HDGFL3: variants seen among roughly 807,000 people sequenced by gnomAD.
The protein encoded by HDGFL3 is hepatoma-derived growth factor-related protein 3.
Under a neutral mutation model 27.6 loss-of-function variants are expected in HDGFL3, and 6 were observed. That is an observed-to-expected ratio of 0.22 (90% CI 0.12 to 0.43). The LOEUF is 0.43. Ranked by LOEUF, HDGFL3 falls within the 20% of genes least tolerant of loss-of-function variation. The probability of loss-of-function intolerance (pLI) is 1.00; values close to 1 mark genes in which losing one functional copy is unlikely to be tolerated. For missense variants in HDGFL3, 207 were observed against 250.1 expected, an observed-to-expected ratio of 0.83 and a Z score of 1.16; for synonymous variants, 88 against 88.9, an observed-to-expected ratio of 0.99 and a Z score of 0.05.
At chr15:83,145,032 G>A (rs2036862729) in intron 5 of HDGFL3, among the ~76,000 whole-genome samples, 1 of 151,538 alleles carries the variant, frequency 6.6e-6, no homozygotes, top group Non-Finnish European at 1.5e-5. Flanking sequence ...GCTAGTGGCA[G>A]AAGGGAGGAA....
At chr15:83,189,830 A>G (rs1249439763) in intron 1 of HDGFL3, among the ~76,000 whole-genome samples, 1 of 152,208 alleles carries the variant, frequency 6.6e-6, no homozygotes, top group Non-Finnish European at 1.5e-5. Flanking sequence ...CTGATTAACT[A>G]CATTGAAAGC....
chr15:83,124,997 G>A (rs1377243448), downstream of HDGFL3, among the ~76,000 whole-genome samples: 1 of 152,120 alleles, frequency 6.6e-6, no homozygotes, highest in South Asian at 2.1e-4. Context: ...GCTCTACTCA[G>A]AAGCATCTTC....
rs866419524 is a variant in HDGFL3, at chr15:83,136,367, G to A, written c.*2903C>T. ...GTTTGAAGGTATTTTGCCTGCAGGTGAGACTGGTTTTGAGGGCACAGAAAC... is the reference window on the plus strand; with the variant it reads ...GTTTGAAGGTATTTTGCCTGCAGGTAAGACTGGTTTTGAGGGCACAGAAAC... On this transcript the variant is annotated 3_prime_UTR_variant, in exon 6 of 6. Coordinates refer to ENST00000299633, the MANE Select transcript of HDGFL3 (RefSeq NM_016073.4). The A allele has an allele frequency of 2.7e-5, 21 of 782,040 alleles. No individual in the cohort carries two copies. In the Admixed American group the frequency reaches 4.0e-4, roughly 15 times the overall value. The allele number at this position is 782,040 out of a possible 1,614,324, so 48.4% of individuals were successfully genotyped here. A position where few individuals can be genotyped will look rare whatever the true frequency, so the allele number is the denominator to read the frequency against.
At chr15:83,163,867 T>C (rs2037130259) in intron 2 of HDGFL3, 132 bp downstream of exon 2, 1 of 638,708 alleles carries the variant, frequency 1.6e-6, no homozygotes, top group African/African-American at 1.9e-5. Context: ...CAAAAATACA[T>C]TATTAACTTT....
Position 83,136,633 on chromosome 15 carries a change from G to C in HDGFL3, c.*2637C>G. 6.2e-7 allele frequency: 1 copy of C among 1,605,426 alleles called. No individual in the cohort carries two copies. Among genetic ancestry groups the C allele is most frequent in the Non-Finnish European group, 8.5e-7 (1 of 1,177,770 alleles). ...CCTATCGTTGTATCTACAAACCAGA[G>C]TTCTTCATAAAAACAAAGGCAGAAG... On this transcript the variant is annotated 3_prime_UTR_variant, in exon 6 of 6. Coordinates refer to ENST00000299633, the MANE Select transcript of HDGFL3 (RefSeq NM_016073.4).
Position 83,175,608 on chromosome 15 carries a change from C to T in HDGFL3, c.85-11533G>A, listed in dbSNP as rs557917794. ...GGCGCGGTGGCTCATGCCTGTAATC[C>T]CAGCGCTTTGGAAGGCCGAGGTGGG... On this transcript the variant is annotated intron_variant, in intron 1 of 5. Coordinates refer to ENST00000299633, the MANE Select transcript of HDGFL3 (RefSeq NM_016073.4). 2.0e-5 allele frequency among the ~76,000 whole-genome samples: 3 copies of T among 152,254 alleles called. No homozygotes were observed. In the South Asian group the frequency reaches 6.2e-4, roughly 32 times the overall value.
At chr15:83,193,086 C>T (rs1450953319) in intron 1 of HDGFL3, among the ~76,000 whole-genome samples, 8 of 139,066 alleles carry the variant, frequency 5.8e-5, no homozygotes, top group Non-Finnish European at 1.0e-4. Context: ...CTTCCAGAGT[C>T]CCGTTCTCTG....
downstream of HDGFL3, chr15:83,126,912 G>C: frequency 7.5e-7 from 1 of 1,333,728 alleles, no homozygotes; most frequent in Non-Finnish European, 1.1e-6. Context: ...ATGGGTCCCA[G>C]CTGGGTGCGG....
chr15:83,169,192 C>G, intron 1 of HDGFL3: 1 of 440,630 alleles, frequency 2.3e-6, no homozygotes, highest in South Asian at 1.6e-5. Context: ...GCATGCCCCT[C>G]GAGAATTGAA....
Position 83,136,643 on chromosome 15 carries a change from A to C in HDGFL3, c.*2627T>G, listed in dbSNP as rs1296786318. On this transcript the variant is annotated 3_prime_UTR_variant, in exon 6 of 6. Coordinates refer to ENST00000299633, the MANE Select transcript of HDGFL3 (RefSeq NM_016073.4). ...TATCTACAAACCAGAGTTCTTCATA[A>C]AAACAAAGGCAGAAGAAAAAGTGGA... The C allele has an allele frequency of 1.9e-6, 3 of 1,599,948 alleles. No individual in the cohort carries two copies. In the Admixed American group the frequency reaches 5.4e-5, roughly 29 times the overall value.
intron 5 of HDGFL3, among the ~76,000 whole-genome samples, chr15:83,150,621 A>C (rs530733569): frequency 6.6e-6 from 1 of 152,334 alleles, no homozygotes; most frequent in African/African-American, 2.4e-5. Flanking sequence ...GGAAAGACTC[A>C]TGGAAAATGC....
chr15:83,205,038 T>C (rs137944193), intron 1 of HDGFL3, among the ~76,000 whole-genome samples: 24 of 152,328 alleles, frequency 1.6e-4, no homozygotes, highest in Non-Finnish European at 2.9e-4. Context: ...TAAGTTTGAG[T>C]CCTTGGCGCC....
downstream of HDGFL3, chr15:83,127,504 T>C: frequency 6.2e-7 from 1 of 1,611,922 alleles, no homozygotes; most frequent in Non-Finnish European, 8.5e-7. Context: ...GTTGAGAAGG[T>C]TTACTTGTGG....
At chr15:83,161,642 C>T (rs1297502568) in intron 2 of HDGFL3, among the ~76,000 whole-genome samples, 3 of 151,994 alleles carry the variant, frequency 2.0e-5, no homozygotes, top group African/African-American at 2.4e-5. Context: ...ACTAGCATTC[C>T]GCAGGAATGA....
At chr15:83,163,879 G>T (rs2037130462) in intron 2 of HDGFL3, 120 bp downstream of exon 2, 7 of 676,572 alleles carry the variant, frequency 1.0e-5, no homozygotes, top group Admixed American at 2.8e-5. Context: ...ATTAACTTTG[G>T]CAATTTTATA....
intron 4 of HDGFL3, among the ~76,000 whole-genome samples, chr15:83,155,112 G>A (rs2037012846): frequency 1.3e-5 from 2 of 152,128 alleles, no homozygotes; most frequent in Non-Finnish European, 2.9e-5. Flanking sequence ...AGATCCACTT[G>A]TCTCAGCCAC....
At chr15:83,203,854 A>G (rs72758324) in intron 1 of HDGFL3, among the ~76,000 whole-genome samples, 2,541 of 151,428 alleles carry the variant, frequency 0.017, 30 homozygotes, top group South Asian at 0.027. Context: ...TATATAAAGA[A>G]AATTTAGATA....
At chr15:83,187,352 G>T (rs1276850287) in intron 1 of HDGFL3, among the ~76,000 whole-genome samples, 8 of 148,312 alleles carry the variant, frequency 5.4e-5, no homozygotes, top group African/African-American at 7.9e-5. Context: ...GTGTGTGTGT[G>T]TGGAGAACTA....
At chr15:83,148,374 C>T (rs2036925034) in intron 5 of HDGFL3, among the ~76,000 whole-genome samples, 1 of 152,098 alleles carries the variant, frequency 6.6e-6, no homozygotes, top group African/African-American at 2.4e-5. Context: ...GTAATCCCAG[C>T]ACTTTGGGAG....
Sources: gnomAD v4.1 joint callset for allele counts (sites outside exome capture counted in the v4.1 genomes callset) on GRCh38, gnomAD v4.1.1 for gene constraint, MANE v1.5 for transcripts, NCBI Gene and HGNC (gene_info 2026-07-23, HGNC 2026-07-21) for gene names.